The following KLF8 variants were observed in gnomAD, a reference collection of about 807,000 sequenced individuals.
KLF8 encodes KLF transcription factor 8, also known as Krueppel-like factor 8.
Under a neutral mutation model 18.2 loss-of-function variants are expected in KLF8, and 10 were observed. That is an observed-to-expected ratio of 0.55 (90% confidence interval 0.34 to 0.93). The LOEUF is 0.93. Ranked by LOEUF, KLF8 falls within the 40% of genes least tolerant of loss-of-function variation. KLF8 has a pLI of 0.02. For missense variants in KLF8, 264 were observed against 277.9 expected (o/e 0.95, Z 0.36); for synonymous variants, 109 against 97.3 (o/e 1.12, Z -0.71).
intron 5 of KLF8, among the ~76,000 whole-genome samples, chrX:56,272,007 G>T (rs1004169483): frequency 1.3e-4 from 14 of 111,559 alleles, no homozygotes; most frequent in African/African-American, 4.6e-4. Flanking sequence ...TGAGATAACA[G>T]ATACAATTTA....
the KLF8 span, among the ~76,000 whole-genome samples, chrX:56,082,187 G>C: frequency 4.5e-5 from 5 of 111,842 alleles, no homozygotes; most frequent in Non-Finnish European, 7.5e-5. Context: ...TTGACAGGTT[G>C]TGCATTTCTA....
chrX:56,025,949 A>T, the KLF8 span, among the ~76,000 whole-genome samples: 1 of 112,705 alleles, frequency 8.9e-6, no homozygotes, highest in East Asian at 2.8e-4. Context: ...GAAGCAGTGG[A>T]AGCTTTTACC....
the KLF8 span, among the ~76,000 whole-genome samples, chrX:56,209,179 T>C: frequency 2.7e-5 from 3 of 112,023 alleles, no homozygotes; most frequent in African/African-American, 9.7e-5. Context: ...ATCTTCTTGC[T>C]GAATTGACCC....
chrX:56,220,201 A>G, the KLF8 span, among the ~76,000 whole-genome samples: 2 of 112,263 alleles, frequency 1.8e-5, no homozygotes, highest in Admixed American at 9.4e-5. Flanking sequence ...ATATATTCCT[A>G]TTCCCTAAAG....
the KLF8 span, among the ~76,000 whole-genome samples, chrX:56,056,268 C>T: frequency 9.1e-6 from 1 of 110,249 alleles, no homozygotes; most frequent in Non-Finnish European, 1.9e-5. Context: ...TATTTACGCC[C>T]TTTATGGTTT....
chrX:56,045,241 G>A, the KLF8 span, among the ~76,000 whole-genome samples: 3 of 111,737 alleles, frequency 2.7e-5, no homozygotes, highest in Non-Finnish European at 5.6e-5. Context: ...ACTTTATTCT[G>A]TTCCATTGGT....
chrX:55,916,981 C>A, the KLF8 span, among the ~76,000 whole-genome samples: 12 of 112,096 alleles, frequency 1.1e-4, no homozygotes, highest in Non-Finnish European at 2.3e-4. Context: ...GAGAGAGAAG[C>A]TTCTTCTACC....
chrX:56,190,150 C>A, the KLF8 span, among the ~76,000 whole-genome samples: 1 of 110,933 alleles, frequency 9.0e-6, no homozygotes, highest in Non-Finnish European at 1.9e-5. Flanking sequence ...ATATTGCATG[C>A]CATTGGAAAC....
the KLF8 span, among the ~76,000 whole-genome samples, chrX:56,053,512 C>G: frequency 1.1e-5 from 1 of 93,691 alleles, no homozygotes; most frequent in Non-Finnish European, 2.2e-5. Context: ...ATGTCAGGAT[C>G]GTGAAATAAT....
the KLF8 span, among the ~76,000 whole-genome samples, chrX:56,051,876 T>G: frequency 9.1e-6 from 1 of 109,466 alleles, no homozygotes; most frequent in Non-Finnish European, 1.9e-5. Context: ...TCCAACTTGG[T>G]TCCATTCTCC....
chrX:56,078,989 T>A, the KLF8 span, among the ~76,000 whole-genome samples: 1 of 78,204 alleles, frequency 1.3e-5, no homozygotes, highest in Non-Finnish European at 3.6e-5. Context: ...GATGGTGATA[T>A]CCCCTTTATC....
the KLF8 span, among the ~76,000 whole-genome samples, chrX:55,955,738 C>CA: frequency 3.6e-5 from 4 of 111,606 alleles, no homozygotes; most frequent in Non-Finnish European, 7.5e-5. Context: ...GCTATGAAGA[C>CA]AGGGACAGAG....
the KLF8 span, among the ~76,000 whole-genome samples, chrX:56,225,271 G>T: frequency 6.3e-5 from 7 of 110,404 alleles, no homozygotes; most frequent in African/African-American, 1.3e-4. Flanking sequence ...TCCATCTCTG[G>T]CTTTCTGGTA....
At chrX:55,925,627 A>T in the KLF8 span, among the ~76,000 whole-genome samples, 1 of 111,730 alleles carries the variant, frequency 9.0e-6, no homozygotes, top group Non-Finnish European at 1.9e-5. Context: ...GCCCAACATG[A>T]AGGGAAGATA....
the KLF8 span, among the ~76,000 whole-genome samples, chrX:55,919,526 CG>C: frequency 1.8e-5 from 2 of 111,534 alleles, no homozygotes; most frequent in Non-Finnish European, 3.8e-5. Flanking sequence ...GTGATGTTGG[CG>C]GGGGCATGGG....
At chrX:56,041,667 T>TTTGTTGTTGTTGTTGTGG in the KLF8 span, among the ~76,000 whole-genome samples, 4 of 96,425 alleles carry the variant, frequency 4.1e-5, no homozygotes, top group South Asian at 4.9e-4. Flanking sequence ...TCTCTCTAGT[T>TTTGTTGTTGTTGTTGTGG]TTGTTGTTGT....
chrX:56,140,987 T>C, the KLF8 span, among the ~76,000 whole-genome samples: 165 of 111,454 alleles, frequency 1.5e-3, 1 homozygote, highest in East Asian at 0.042. Flanking sequence ...TTTTTGTTTT[T>C]TGTAGTTTTT....
At chrX:56,002,740 A>T in the KLF8 span, among the ~76,000 whole-genome samples, 1 of 112,270 alleles carries the variant, frequency 8.9e-6, no homozygotes, top group Admixed American at 9.4e-5. Flanking sequence ...ATCTTAGCTC[A>T]ATAAACAACC....
chrX:56,100,948 C>T, the KLF8 span, among the ~76,000 whole-genome samples: 1 of 111,833 alleles, frequency 8.9e-6, no homozygotes, highest in African/African-American at 3.2e-5. Context: ...ACTATCATTA[C>T]AATCTATTAT....
Sources: gnomAD v4.1 joint callset for allele counts (sites outside exome capture counted in the v4.1 genomes callset) on GRCh38, gnomAD v4.1.1 for gene constraint, MANE v1.5 for transcripts, NCBI Gene and HGNC (gene_info 2026-07-23, HGNC 2026-07-21) for gene names.